The following HTT variants were observed in gnomAD, a reference collection of about 807,000 sequenced individuals.
HTT encodes the protein huntingtin.
HTT carries 104 observed loss-of-function variants against 362.3 expected under a neutral mutation model. That is an observed-to-expected ratio of 0.29 (90% CI 0.24 to 0.34). HTT has a LOEUF of 0.34. Ranked by LOEUF, HTT falls within the 10% of genes least tolerant of loss-of-function variation. The pLI is 1.00. For synonymous variants in HTT, 1,577 were observed against 1,548.7 expected (o/e 1.02, Z -0.43); for missense variants, 3,301 against 3,928.6 (o/e 0.84, Z 4.27).
chr4:3,239,443 C>G (rs1159247055), intron 66 of HTT, among the ~76,000 whole-genome samples: 1 of 152,218 alleles, frequency 6.6e-6, no homozygotes, highest in Non-Finnish European at 1.5e-5. Flanking sequence ...CAGCCCTTCC[C>G]CAAGACAGAC....
At chr4:3,113,459 A>C (rs1308541036) in intron 6 of HTT, among the ~76,000 whole-genome samples, 1 of 152,010 alleles carries the variant, frequency 6.6e-6, no homozygotes, top group Non-Finnish European at 1.5e-5. Context: ...CTTCTCAAGT[A>C]GCTGAGACTG....
intron 26 of HTT, among the ~76,000 whole-genome samples, chr4:3,148,456 A>G (rs1421391652): frequency 2.0e-5 from 3 of 152,150 alleles, no homozygotes; most frequent in Admixed American, 6.5e-5. Flanking sequence ...GTTCGAGACC[A>G]GCCTGGGCAA....
chr4:3,197,630 C>T (rs1241096183), intron 40 of HTT, among the ~76,000 whole-genome samples: 1 of 152,080 alleles, frequency 6.6e-6, no homozygotes, highest in African/African-American at 2.4e-5. Context: ...CCTGTTTGCT[C>T]CTTATTACAG....
At position 3,152,594 on chromosome 4, in the gene HTT, G is replaced by T. The variant is rs148347865; in HGVS notation, c.3499-1699G>T. ...CCACTAACCTGCCTTCTGTCTCTGT[G>T]ACTCTACGTCTTCTGGACATTACTG... On this transcript the variant is annotated intron_variant, in intron 26 of 66. Coordinates refer to ENST00000355072, the MANE Select transcript of HTT (RefSeq NM_001388492.1). 2.7e-3 allele frequency among the ~76,000 whole-genome samples: 414 copies of T among 152,260 alleles called. 1 individual carries two copies. Among genetic ancestry groups the T allele is most frequent in the Non-Finnish European group, 5.1e-3 (345 of 68,018 alleles).
chr4:3,169,022 CTTTT>C (rs761540640), intron 29 of HTT, among the ~76,000 whole-genome samples: 2 of 141,110 alleles, frequency 1.4e-5, no homozygotes, highest in East Asian at 2.0e-4. Flanking sequence ...TTCTTTCTTT[CTTTT>C]TTTTTTTTTT....
intron 2 of HTT, among the ~76,000 whole-genome samples, chr4:3,098,201 G>A (rs1713962842): frequency 6.6e-6 from 1 of 152,214 alleles, no homozygotes; most frequent in Admixed American, 6.5e-5. Context: ...ATTCATGGCT[G>A]TCTGTATTCC....
intron 56 of HTT, among the ~76,000 whole-genome samples, chr4:3,224,828 T>G (rs972272602): frequency 2.0e-5 from 3 of 152,198 alleles, no homozygotes; most frequent in African/African-American, 7.2e-5. Flanking sequence ...CAAATGTTTA[T>G]TAGGGCGTTG....
At position 3,217,615 on chromosome 4, in the gene HTT, G is replaced by A. The variant is rs2110282421; in HGVS notation, c.7055-150G>A. The A allele has an allele frequency of 4.7e-6, 3 of 636,132 alleles. No homozygotes were observed. The East Asian group carries it at 8.1e-5, about 17-fold the overall frequency. 39.4% of individuals were successfully genotyped at this position (636,132 alleles called of 1,614,324 possible). A position where few individuals can be genotyped will look rare whatever the true frequency, so the allele number is the denominator to read the frequency against. ...ATTGTATGGTATAGGCGGATATGAA[G>A]GTAGAATCTGCAGGCCTTCAGTGGC... On this transcript the variant is annotated intron_variant, in intron 51 of 66. Transcript: ENST00000355072.
At chr4:3,239,357 G>T (rs1178785693) in intron 66 of HTT, among the ~76,000 whole-genome samples, 1 of 152,204 alleles carries the variant, frequency 6.6e-6, no homozygotes, top group African/African-American at 2.4e-5. Context: ...TGCCTCGATC[G>T]CCCTCTCGGG....
intron 33 of HTT, among the ~76,000 whole-genome samples, chr4:3,175,363 T>C (rs1170903564): frequency 2.6e-5 from 4 of 152,204 alleles, no homozygotes; most frequent in African/African-American, 9.6e-5. Context: ...TCCAAAGGTT[T>C]GTCCCATCCA....
chr4:3,187,600 T>G, intron 38 of HTT, 51 bp from the exon 39 acceptor site: 1 of 1,394,664 alleles, frequency 7.2e-7, no homozygotes, highest in Non-Finnish European at 1.0e-6. Context: ...TGGGGGAAAT[T>G]TAATCTTCCT....
At chr4:3,211,908 C>T in intron 47 of HTT, 21 bp from the exon 48 acceptor site, 1 of 1,565,978 alleles carries the variant, frequency 6.4e-7, no homozygotes. Context: ...TGTTTGTTAA[C>T]CTTTAATGCT....
At chr4:3,152,518 AG>A (rs1289231319) in intron 26 of HTT, among the ~76,000 whole-genome samples, 1 of 152,166 alleles carries the variant, frequency 6.6e-6, no homozygotes, top group African/African-American at 2.4e-5. Flanking sequence ...GAACCCATAA[AG>A]GAACTCTGTA....
At chr4:3,095,073 T>A (rs1396627109) in intron 2 of HTT, among the ~76,000 whole-genome samples, 1 of 151,090 alleles carries the variant, frequency 6.6e-6, no homozygotes, top group East Asian at 2.0e-4. Flanking sequence ...GCTCCTCACA[T>A]CCCAGACGAT....
chr4:3,158,120 A>T (rs1717248248), intron 28 of HTT, among the ~76,000 whole-genome samples: 1 of 151,972 alleles, frequency 6.6e-6, no homozygotes, highest in African/African-American at 2.4e-5. Flanking sequence ...AGTACCTGGG[A>T]CTACCGGCAT....
chr4:3,196,009 T>C (rs1719242642), intron 40 of HTT, among the ~76,000 whole-genome samples: 1 of 152,194 alleles, frequency 6.6e-6, no homozygotes, highest in Non-Finnish European at 1.5e-5. Context: ...TGGTCTCTGA[T>C]GTGTTTTCTG....
chr4:3,122,820 G>A, intron 9 of HTT, 69 bp from the exon 10 acceptor site: 1 of 1,309,882 alleles, frequency 7.6e-7, no homozygotes, highest in Admixed American at 2.0e-5. Flanking sequence ...CAAGCTGTTT[G>A]AAGATTTTCA....
chr4:3,172,188 C>A, intron 29 of HTT, 132 bp from the exon 30 acceptor site: 1 of 675,844 alleles, frequency 1.5e-6, no homozygotes, highest in South Asian at 1.7e-5. Flanking sequence ...AAATTGAAAA[C>A]TTTCCTCTGA....
intron 1 of HTT, among the ~76,000 whole-genome samples, chr4:3,076,243 G>A (rs1227320449): frequency 6.6e-6 from 1 of 152,208 alleles, no homozygotes; most frequent in Admixed American, 6.5e-5. Flanking sequence ...GGAAGTCTGT[G>A]TGTCGAGTGT....
Sources: gnomAD v4.1 joint callset for allele counts (sites outside exome capture counted in the v4.1 genomes callset) on GRCh38, gnomAD v4.1.1 for gene constraint, MANE v1.5 for transcripts, NCBI Gene and HGNC (gene_info 2026-07-23, HGNC 2026-07-21) for gene names.